HGF: variants seen among roughly 807,000 people sequenced by gnomAD.
HGF encodes the protein fibroblast-derived tumor cytotoxic factor.
HGF carries 39 observed loss-of-function variants against 111.6 expected under a neutral mutation model. The observed-to-expected ratio is 0.35, with a 90% CI of 0.27 to 0.46. The LOEUF (loss-of-function observed/expected upper bound fraction) is 0.46, where lower values mean the gene tolerates loss of function less well. Ranked by LOEUF, HGF falls within the 20% of genes least tolerant of loss-of-function variation. The pLI is 1.00. For missense variants in HGF, 735 were observed against 910.5 expected, an observed-to-expected ratio of 0.81 and a Z score of 2.48; for synonymous variants, 285 against 294.8, an observed-to-expected ratio of 0.97 and a Z score of 0.34.
chr7:81,759,595 C>T (rs1788958637), intron 2 of HGF, among the ~76,000 whole-genome samples: 1 of 151,298 alleles, frequency 6.6e-6, no homozygotes, highest in Admixed American at 6.6e-5. Context: ...AGCTCCGCCT[C>T]CCGGGTTCAC....
chr7:81,737,533 C>G (rs980827679), intron 7 of HGF, among the ~76,000 whole-genome samples: 1 of 151,982 alleles, frequency 6.6e-6, no homozygotes, highest in African/African-American at 2.4e-5. Context: ...ATCATTTGTT[C>G]TTTACACCAT....
chr7:81,768,581 T>A (rs527780750), intron 1 of HGF, among the ~76,000 whole-genome samples: 66 of 152,180 alleles, frequency 4.3e-4, no homozygotes, highest in Non-Finnish European at 6.3e-4. Flanking sequence ...GGGTTTCACC[T>A]TGTTAGCTAG....
chr7:81,742,469 A>G (rs1788044934), intron 7 of HGF, among the ~76,000 whole-genome samples: 1 of 152,230 alleles, frequency 6.6e-6, no homozygotes, highest in East Asian at 1.9e-4. Flanking sequence ...CCATATATAC[A>G]TAACTTTATA....
At chr7:81,748,495 G>T (rs1180227929) in intron 5 of HGF, among the ~76,000 whole-genome samples, 1 of 152,134 alleles carries the variant, frequency 6.6e-6, no homozygotes, top group Non-Finnish European at 1.5e-5. Context: ...GGAATTCTCA[G>T]ATTCTTCTAA....
intron 5 of HGF, among the ~76,000 whole-genome samples, chr7:81,748,111 T>A (rs1182493064): frequency 6.6e-6 from 1 of 152,092 alleles, no homozygotes; most frequent in Non-Finnish European, 1.5e-5. Flanking sequence ...GTCTTAGTAT[T>A]TTTTTTGCAT....
rs1275169968 is a variant in HGF at position 81,717,324 on chromosome 7, T to C, written c.1313A>G (p.Asn438Ser). 6.2e-6 allele frequency: 10 copies of C among 1,613,576 alleles called. No individual in the cohort carries two copies. Among genetic ancestry groups the C allele is most frequent in the Non-Finnish European group, 8.5e-6 (10 of 1,179,640 alleles). Residue 438 changes from asparagine to serine, a missense_variant, in exon 11 of 18, where the codon AAT (asparagine) becomes AGT (serine). Asn to Ser is a conservative substitution (Grantham distance 46, BLOSUM62 1). Coordinates refer to ENST00000222390, the MANE Select transcript of HGF (RefSeq NM_000601.6). ...WEPDASKLNENYCRNPDDDAH... is the reference protein window; with the variant it reads ...WEPDASKLNESYCRNPDDDAH... ...ATCATCATCTGGATTTCGGCAGTAATTCTCATTCAGCTTACTTGCATCTGG... is the reference window on the plus strand; with the variant it reads ...ATCATCATCTGGATTTCGGCAGTAACTCTCATTCAGCTTACTTGCATCTGG...
At chr7:81,742,960 A>T (rs899716340) in intron 7 of HGF, 1 of 1,612,048 alleles carries the variant, frequency 6.2e-7, no homozygotes, top group Admixed American at 1.7e-5. Flanking sequence ...CTGGGGAGGA[A>T]AGGTAGGTAA....
intron 7 of HGF, among the ~76,000 whole-genome samples, chr7:81,730,948 G>A (rs1787634428): frequency 6.6e-6 from 1 of 152,130 alleles, no homozygotes; most frequent in African/African-American, 2.4e-5. Flanking sequence ...CGAAGGACAG[G>A]CCAGAATTAG....
At chr7:81,732,476 T>G (rs1485680001) in intron 7 of HGF, among the ~76,000 whole-genome samples, 3 of 152,114 alleles carry the variant, frequency 2.0e-5, no homozygotes, top group Admixed American at 2.0e-4. Context: ...AACTATCATT[T>G]CTAGAGCATG....
At chr7:81,710,461 CAAAT>C (rs1409813256) in intron 12 of HGF, among the ~76,000 whole-genome samples, 2 of 152,026 alleles carry the variant, frequency 1.3e-5, no homozygotes, top group African/African-American at 2.4e-5. Flanking sequence ...CTCAGAAAAA[CAAAT>C]AAACTCAAAG....
Position 81,702,695 on chromosome 7 carries a change from A to G in HGF, c.2073T>C (p.Ile691=). The change falls in exon 18 of 18, where the codon ATT becomes ATC. Residue 691 remains isoleucine, a synonymous_variant. Coordinates refer to ENST00000222390, the MANE Select transcript of HGF (RefSeq NM_000601.6). ...GAATGGCACATCCACGACCAGGAACAATGACACCAAGAACCATTCTCATTT... is the reference window on the plus strand; with the variant it reads ...GAATGGCACATCCACGACCAGGAACGATGACACCAAGAACCATTCTCATTT... ...QHKMRMVLGV[I]VPGRGCAIPN... The G allele has an allele frequency of 3.1e-6, 5 of 1,611,954 alleles. No homozygotes were observed. Among genetic ancestry groups the G allele is most frequent in the Non-Finnish European group, 3.4e-6 (4 of 1,178,522 alleles).
At chr7:81,728,196 C>T (rs1177518808) in intron 8 of HGF, among the ~76,000 whole-genome samples, 4 of 152,198 alleles carry the variant, frequency 2.6e-5, no homozygotes, top group African/African-American at 7.2e-5. Context: ...TTTTATAACA[C>T]CGCACAAGCT....
chr7:81,731,472 A>G (rs1213467794), intron 7 of HGF, among the ~76,000 whole-genome samples: 2 of 152,186 alleles, frequency 1.3e-5, no homozygotes, highest in Non-Finnish European at 2.9e-5. Context: ...GATTTTAGGA[A>G]GAACAAAAAT....
At position 81,752,211 on chromosome 7, in the gene HGF, T is replaced by TCGAC; in HGVS notation, c.530_533dup (p.Asn179SerfsTer25). On this transcript the variant is annotated frameshift_variant, in exon 5 of 18. Coordinates refer to ENST00000222390, the MANE Select transcript of HGF (RefSeq NM_000601.6). LOFTEE classifies it high-confidence loss of function. ...GTCCCCCTTCTTCCCCTCGAGGATT[T>TCGAC]CGACAGTAGTTTTCCTGTAGGTCTT... The TCGAC allele has an allele frequency of 6.2e-7, 1 of 1,613,600 alleles. No homozygotes were observed. Among genetic ancestry groups the TCGAC allele is most frequent in the East Asian group, 2.2e-5 (1 of 44,856 alleles).
intron 4 of HGF, among the ~76,000 whole-genome samples, chr7:81,752,979 C>T (rs763769593): frequency 7.9e-5 from 12 of 152,060 alleles, no homozygotes; most frequent in Non-Finnish European, 1.6e-4. Context: ...ATTAAGCACA[C>T]TCCACTTTGT....
intron 5 of HGF, chr7:81,751,718 G>A (rs1007120034): frequency 9.6e-6 from 10 of 1,039,628 alleles, no homozygotes; most frequent in African/African-American, 1.7e-5. Flanking sequence ...AGTTTGGACA[G>A]AATTTCTGTG....
At position 81,762,703 on chromosome 7, in the gene HGF, T is replaced by A. The variant is rs755626111; in HGVS notation, c.254+4A>T. 7 of 1,600,762 alleles carry A rather than the reference T, an allele frequency of 4.4e-6. No individual in the cohort carries two copies. The highest frequency in any genetic ancestry group is 6.0e-6 in the Non-Finnish European group (7 of 1,168,058). ...TATTCTAAGAAGAAAATGAAGTAAC[T>A]TACTTGCAAGTGAATGGAAGTCCTT... On this transcript the variant is annotated splice_donor_region_variant and intron_variant, in intron 2 of 17. Coordinates refer to ENST00000222390, the MANE Select transcript of HGF (RefSeq NM_000601.6).
At position 81,757,260 on chromosome 7, in the gene HGF, C is replaced by T. The variant is rs765155428; in HGVS notation, c.411G>A (p.Lys137=). ...NCIIGKGRSY[K]GTVSITKSGI... ...CACTCTTAGTGATAGATACTGTTCC[C>T]TTGTAGCTGCGTCCTTTACCAATGA... is the stretch of plus-strand genomic sequence containing the variant. The change falls in exon 4 of 18, where the codon AAG becomes AAA. Residue 137 remains lysine (K), a synonymous_variant. Transcript: ENST00000222390. The T allele has an allele frequency of 3.1e-6, 5 of 1,609,074 alleles. No homozygotes were observed. Among genetic ancestry groups the T allele is most frequent in the Non-Finnish European group, 4.3e-6 (5 of 1,175,502 alleles).
chr7:81,742,784 C>A (rs962377885), intron 7 of HGF: 3 of 1,537,390 alleles, frequency 2.0e-6, no homozygotes, highest in Non-Finnish European at 2.6e-6. Context: ...AAAGACAGAT[C>A]GAAACAGAAT....
Sources: allele counts gnomAD v4.1 joint callset (sites outside exome capture counted in the v4.1 genomes callset), GRCh38; gene constraint gnomAD v4.1.1; transcripts MANE v1.5; gene names NCBI Gene and HGNC (gene_info 2026-07-23, HGNC 2026-07-21).